Variants in SYTL3 observed in about 807,000 individuals in gnomAD.
SYTL3 encodes the protein synaptotagmin-like protein 3.
SYTL3 carries 88 observed loss-of-function variants against 82.1 expected under a neutral mutation model. That is an observed-to-expected ratio of 1.07 (90% CI 0.90 to 1.28). The LOEUF (loss-of-function observed/expected upper bound fraction) is 1.28. SYTL3 is among the 50% of genes most tolerant of loss of function. SYTL3 has a pLI of 0.00. For synonymous variants in SYTL3, 311 were observed against 289.4 expected (o/e 1.07, Z -0.76); for missense variants, 831 against 757.6 (o/e 1.10, Z -1.14).
chr6:158,686,802 A>G (rs1309394527), intron 6 of SYTL3, among the ~76,000 whole-genome samples: 1 of 152,162 alleles, frequency 6.6e-6, no homozygotes, highest in South Asian at 2.1e-4. Context: ...GGAGGCAGAC[A>G]CCCTCCGACC....
At position 158,655,426 on chromosome 6, in the gene SYTL3, C is replaced by T. The variant is rs189931207; in HGVS notation, c.-637+3584C>T. Among the ~76,000 whole-genome samples, 5 of 152,260 alleles carry T rather than the reference C, an allele frequency of 3.3e-5. No homozygotes were observed. In the East Asian group the frequency reaches 5.8e-4, roughly 18 times the overall value. ...CCTCCTGGCTGGGTGATGGGGGAAT[C>T]GCTGAAATCTGATATTGTCCCTAGA... On this transcript the variant is annotated intron_variant, in intron 2 of 17. Transcript: ENST00000611299.
chr6:158,670,991 A>C (rs1194079692), intron 5 of SYTL3, among the ~76,000 whole-genome samples: 2 of 151,692 alleles, frequency 1.3e-5, no homozygotes, highest in African/African-American at 4.8e-5. Flanking sequence ...TTTTTAGTAG[A>C]GACAGGGTTT....
At chr6:158,747,101 C>G (rs1787761243) in intron 12 of SYTL3, among the ~76,000 whole-genome samples, 1 of 152,176 alleles carries the variant, frequency 6.6e-6, no homozygotes, top group African/African-American at 2.4e-5. Context: ...ATTCTCCTGC[C>G]TCAGCCTCCT....
In SYTL3 at chr6:158,708,391, G is replaced by A. The variant is rs1451761634; in HGVS notation, c.516G>A (p.Arg172=). The stretch of plus-strand genomic sequence containing the variant: ...GCCAGTGCAGCCGCAGTCCTGGCAG[G>A]GTAACGTATCCATTCTGGGCACTTC... ...SESQCSRSPG[R]LQEFGQFRGF... The change falls in exon 8 of 18, where the codon AGG becomes AGA. Residue 172 remains arginine, a splice_region_variant and synonymous_variant. Transcript: ENST00000611299. 1 of 1,613,830 alleles carries A rather than the reference G, an allele frequency of 6.2e-7. No individual in the cohort carries two copies. The highest frequency in any genetic ancestry group is 8.5e-7 in the Non-Finnish European group (1 of 1,179,850).
chr6:158,686,089 C>T (rs991270299), intron 6 of SYTL3, among the ~76,000 whole-genome samples: 4 of 152,144 alleles, frequency 2.6e-5, no homozygotes, highest in African/African-American at 4.8e-5. Flanking sequence ...TGTGCACACA[C>T]GTTACCATCT....
chr6:158,739,263 A>G (rs550913877), intron 11 of SYTL3, among the ~76,000 whole-genome samples: 13 of 152,260 alleles, frequency 8.5e-5, no homozygotes, highest in South Asian at 4.1e-4. Flanking sequence ...TCTGGCTTCT[A>G]TCATTTCTGG....
rs562258095 is a variant in SYTL3 at position 158,704,519 on chromosome 6, CAGG to C, written c.395-2705_395-2703del. On this transcript the variant is annotated intron_variant, in intron 6 of 17. Transcript: ENST00000611299. ...AGGCAGAACTGCCCGTGGGGGATAGCAGGAGGAGACGAGGTGGGGGTGACAGTA... is the reference window on the plus strand; with the variant it reads ...AGGCAGAACTGCCCGTGGGGGATAGCAGGAGACGAGGTGGGGGTGACAGTA... Among the ~76,000 whole-genome samples, 3 of 152,366 alleles carry C rather than the reference CAGG, an allele frequency of 2.0e-5. No individual in the cohort carries two copies. The South Asian group carries it at 6.2e-4, about 32-fold the overall frequency.
rs149107935 is a variant in SYTL3, at chr6:158,739,080, C to T, written c.856-6400C>T. ...CGCCGTCTCTTCCTGCCCTTCTGTA[C>T]ATTCATATTTCAGCTGTGTCTCATC... On this transcript the variant is annotated intron_variant, in intron 11 of 17. Transcript: ENST00000611299. Among the ~76,000 whole-genome samples, 14 of 152,336 alleles carry T rather than the reference C, an allele frequency of 9.2e-5. No homozygotes were observed. In the East Asian group the frequency reaches 2.5e-3, roughly 27 times the overall value.
At chr6:158,667,248 C>T (rs561050923) in intron 5 of SYTL3, among the ~76,000 whole-genome samples, 1 of 152,344 alleles carries the variant, frequency 6.6e-6, no homozygotes, top group South Asian at 2.1e-4. Flanking sequence ...AATCTCTGCC[C>T]TAGTGAGTCT....
chr6:158,681,952 G>A (rs1303251186), intron 5 of SYTL3, among the ~76,000 whole-genome samples: 1 of 152,192 alleles, frequency 6.6e-6, no homozygotes, highest in Non-Finnish European at 1.5e-5. Flanking sequence ...TTGTGGTGAT[G>A]TTGAGATGGA....
chr6:158,676,738 G>A (rs1778079753), intron 5 of SYTL3, among the ~76,000 whole-genome samples: 1 of 152,158 alleles, frequency 6.6e-6, no homozygotes, highest in East Asian at 1.9e-4. Context: ...ATCAACAAGT[G>A]GGCGAAGGAT....
chr6:158,694,308 T>G (rs1461393639), intron 6 of SYTL3, among the ~76,000 whole-genome samples: 1 of 152,130 alleles, frequency 6.6e-6, no homozygotes, highest in Non-Finnish European at 1.5e-5. Context: ...TTTTTTTTCT[T>G]TTTTTGAGAT....
At chr6:158,679,948 A>G (rs1778471509) in intron 5 of SYTL3, among the ~76,000 whole-genome samples, 1 of 152,126 alleles carries the variant, frequency 6.6e-6, no homozygotes, top group African/African-American at 2.4e-5. Flanking sequence ...CGTCTCAGAT[A>G]TGGATATTTT....
intron 10 of SYTL3, 146 bp from the exon 11 acceptor site, chr6:158,725,357 A>G (rs1254621879): frequency 2.5e-6 from 2 of 796,176 alleles, no homozygotes; most frequent in African/African-American, 3.5e-5. Context: ...ACGTGCACGC[A>G]TTTACCAAAT....
At chr6:158,668,976 TG>T (rs1777055927) in intron 5 of SYTL3, among the ~76,000 whole-genome samples, 1 of 152,124 alleles carries the variant, frequency 6.6e-6, no homozygotes, top group Admixed American at 6.5e-5. Context: ...GGGCTCCTGT[TG>T]TCCTCAGCAG....
intron 10 of SYTL3, among the ~76,000 whole-genome samples, chr6:158,720,121 G>A (rs1353803732): frequency 6.6e-6 from 1 of 151,568 alleles, no homozygotes; most frequent in Non-Finnish European, 1.5e-5. Context: ...TTAAAAATTG[G>A]CCGGGCACCA....
intron 5 of SYTL3, among the ~76,000 whole-genome samples, chr6:158,681,479 A>G (rs1369519954): frequency 6.6e-6 from 1 of 152,124 alleles, no homozygotes; most frequent in Admixed American, 6.6e-5. Flanking sequence ...GGAGTTCGAG[A>G]CCAGCTTGGC....
At chr6:158,744,329 C>T (rs1234563302) in intron 11 of SYTL3, among the ~76,000 whole-genome samples, 12 of 95,644 alleles carry the variant, frequency 1.3e-4, no homozygotes, top group Non-Finnish European at 2.1e-4. Context: ...TTTTTTGAGA[C>T]GGAGTCTTGC....
At chr6:158,691,584 A>G (rs1779870359) in intron 6 of SYTL3, among the ~76,000 whole-genome samples, 1 of 152,106 alleles carries the variant, frequency 6.6e-6, no homozygotes, top group African/African-American at 2.4e-5. Flanking sequence ...CTTTTTTTTA[A>G]CAACCATGAC....
Sources: gnomAD v4.1 joint callset for allele counts (sites outside exome capture counted in the v4.1 genomes callset) on GRCh38, gnomAD v4.1.1 for gene constraint, MANE v1.5 for transcripts, NCBI Gene and HGNC (gene_info 2026-07-23, HGNC 2026-07-21) for gene names.